Variants in FAM107B observed in about 807,000 individuals in gnomAD.
FAM107B encodes the protein family with sequence similarity 107 member B.
In FAM107B, 21 loss-of-function variants were observed where a neutral mutation model predicts 31.5. The ratio of observed to expected loss-of-function variants is 0.67; its 90% CI spans 0.47 to 0.96. The LOEUF (loss-of-function observed/expected upper bound fraction) is 0.96. FAM107B is among the 40% of genes least tolerant of loss of function. The pLI is 0.00. For missense variants in FAM107B, 452 were observed against 377.1 expected, an observed-to-expected ratio of 1.20 and a Z score of -1.64; for synonymous variants, 157 against 141.5, an observed-to-expected ratio of 1.11 and a Z score of -0.78.
intron 1 of FAM107B, among the ~76,000 whole-genome samples, chr10:14,686,308 G>A (rs978176080): frequency 6.6e-6 from 1 of 151,608 alleles, no homozygotes; most frequent in Non-Finnish European, 1.5e-5. Flanking sequence ...AGAATCACTT[G>A]AACCCAGGAG....
intron 2 of FAM107B, among the ~76,000 whole-genome samples, chr10:14,584,049 T>A (rs1851744168): frequency 6.6e-6 from 1 of 152,206 alleles, no homozygotes. Flanking sequence ...TCCTAGCTAC[T>A]CCGGCAGATC....
intron 2 of FAM107B, among the ~76,000 whole-genome samples, chr10:14,560,247 C>G (rs533645192): frequency 6.6e-6 from 1 of 151,996 alleles, no homozygotes; most frequent in African/African-American, 2.4e-5. Flanking sequence ...GGAACAAGTG[C>G]CCATCAAAGG....
At chr10:14,557,610 C>T (rs1849814809) in intron 2 of FAM107B, among the ~76,000 whole-genome samples, 1 of 152,162 alleles carries the variant, frequency 6.6e-6, no homozygotes, top group African/African-American at 2.4e-5. Flanking sequence ...GGTTTGGTTC[C>T]CAGGTAATCC....
At chr10:14,709,742 A>G (rs1253080837) in intron 1 of FAM107B, among the ~76,000 whole-genome samples, 1 of 152,240 alleles carries the variant, frequency 6.6e-6, no homozygotes, top group Non-Finnish European at 1.5e-5. Flanking sequence ...ATTCAGTGAT[A>G]AAAAGAAGTG....
chr10:14,638,819 C>T (rs959199912), intron 2 of FAM107B, among the ~76,000 whole-genome samples: 2 of 152,102 alleles, frequency 1.3e-5, no homozygotes, highest in Admixed American at 6.6e-5. Context: ...CTCTTTAATG[C>T]CCTTTCTATT....
At chr10:14,715,638 A>T (rs568785827) in intron 1 of FAM107B, among the ~76,000 whole-genome samples, 1 of 152,214 alleles carries the variant, frequency 6.6e-6, no homozygotes, top group African/African-American at 2.4e-5. Flanking sequence ...GGCACCATTC[A>T]ATCTATTGAG....
intron 2 of FAM107B, among the ~76,000 whole-genome samples, chr10:14,536,219 T>C (rs1382704015): frequency 6.6e-6 from 1 of 152,256 alleles, no homozygotes; most frequent in Non-Finnish European, 1.5e-5. Context: ...TAATTCTATC[T>C]AGAAGCACTA....
At chr10:14,526,098 T>C (rs1211503215) in intron 3 of FAM107B, among the ~76,000 whole-genome samples, 1 of 152,204 alleles carries the variant, frequency 6.6e-6, no homozygotes, top group African/African-American at 2.4e-5. Context: ...GAACAATGCC[T>C]ACTCACTTAG....
intron 1 of FAM107B, among the ~76,000 whole-genome samples, chr10:14,729,881 T>C (rs1170299720): frequency 1.3e-5 from 2 of 152,148 alleles, no homozygotes; most frequent in African/African-American, 4.8e-5. Flanking sequence ...AGTTCATGTC[T>C]TTTGCAGGGA....
chr10:14,525,709 T>G (rs1315176331), intron 3 of FAM107B, among the ~76,000 whole-genome samples: 1 of 152,202 alleles, frequency 6.6e-6, no homozygotes. Flanking sequence ...CTGTTCACTA[T>G]TAAAAACAAT....
intron 2 of FAM107B, among the ~76,000 whole-genome samples, chr10:14,613,544 C>T (rs989587072): frequency 2.6e-5 from 4 of 152,200 alleles, no homozygotes; most frequent in Admixed American, 6.5e-5. Context: ...TCTTAATTTC[C>T]TCACTTACGC....
intron 2 of FAM107B, among the ~76,000 whole-genome samples, chr10:14,655,710 C>G (rs1854032623): frequency 6.6e-6 from 1 of 152,184 alleles, no homozygotes; most frequent in Admixed American, 6.5e-5. Flanking sequence ...AGGTGGGAAG[C>G]CGGGACAGGG....
rs199639348 is a variant in FAM107B, at chr10:14,630,412, G to GA, written c.469+37221dup. On this transcript the variant is annotated intron_variant, in intron 2 of 4. Coordinates refer to ENST00000181796, the MANE Select transcript of FAM107B (RefSeq NM_031453.4). Reference sequence around the variant, plus strand: ...GCTCCTGAAGAATCCCAACAAACAAGAAAAAAAAATGCACTGAGGCAGAGT... The same window carrying GA: ...GCTCCTGAAGAATCCCAACAAACAAGAAAAAAAAAATGCACTGAGGCAGAGT... Among the ~76,000 whole-genome samples the GA allele has an allele frequency of 1.5e-3, 224 of 149,196 alleles. 2 individuals are homozygous for GA. Among genetic ancestry groups the GA allele is most frequent in the African/African-American group, 4.6e-3 (185 of 40,610 alleles).
At chr10:14,746,932 C>T (rs1832736915) in intron 1 of FAM107B, among the ~76,000 whole-genome samples, 1 of 152,210 alleles carries the variant, frequency 6.6e-6, no homozygotes, top group South Asian at 2.1e-4. Flanking sequence ...GTACCCCAGT[C>T]AGTCGTAGGT....
At chr10:14,728,259 A>C (rs1856081536) in intron 1 of FAM107B, among the ~76,000 whole-genome samples, 1 of 151,994 alleles carries the variant, frequency 6.6e-6, no homozygotes, top group Non-Finnish European at 1.5e-5. Context: ...ACTCCAGTCC[A>C]TCAACTCTCT....
At chr10:14,583,059 C>T (rs1851699641) in intron 2 of FAM107B, among the ~76,000 whole-genome samples, 1 of 148,576 alleles carries the variant, frequency 6.7e-6, no homozygotes, top group African/African-American at 2.5e-5. Context: ...TGCACTCCAG[C>T]CTGGGCAAAA....
intron 1 of FAM107B, among the ~76,000 whole-genome samples, chr10:14,677,139 T>C (rs1854702990): frequency 6.6e-6 from 1 of 152,276 alleles, no homozygotes; most frequent in South Asian, 2.1e-4. Flanking sequence ...CATTCCCTAA[T>C]CAACATTATA....
At chr10:14,581,625 G>T (rs1222617851) in intron 2 of FAM107B, among the ~76,000 whole-genome samples, 1 of 152,220 alleles carries the variant, frequency 6.6e-6, no homozygotes, top group East Asian at 1.9e-4. Flanking sequence ...GCCCAGCCAG[G>T]CGCGGTGGCT....
chr10:14,645,078 T>C (rs1354989493), intron 2 of FAM107B, among the ~76,000 whole-genome samples: 1 of 152,206 alleles, frequency 6.6e-6, no homozygotes, highest in African/African-American at 2.4e-5. Flanking sequence ...TTCTTGAATG[T>C]GATTTGATTC....
Sources: gnomAD v4.1 joint callset for allele counts (sites outside exome capture counted in the v4.1 genomes callset) on GRCh38, gnomAD v4.1.1 for gene constraint, MANE v1.5 for transcripts, NCBI Gene and HGNC (gene_info 2026-07-23, HGNC 2026-07-21) for gene names.